The following DACH2 variants were observed in gnomAD, a reference collection of about 807,000 sequenced individuals.
DACH2 encodes the protein dachshund family transcription factor 2, also known as dachshund homolog 2.
In DACH2, 17 loss-of-function variants were observed where a neutral mutation model predicts 35.8. That is an observed-to-expected ratio of 0.48 (90% confidence interval 0.33 to 0.71). The LOEUF is 0.71. Among genes scored for constraint, DACH2 ranks in the 30% least tolerant of loss-of-function variants. The probability of loss-of-function intolerance (pLI) is 0.02; values close to 1 mark genes in which losing one functional copy is unlikely to be tolerated. For synonymous variants in DACH2, 195 were observed against 177.3 expected, an observed-to-expected ratio of 1.10 and a Z score of -0.79; for missense variants, 469 against 472.7, an observed-to-expected ratio of 0.99 and a Z score of 0.07.
intron 6 of DACH2, among the ~76,000 whole-genome samples, chrX:86,729,929 TA>T (rs375871790): frequency 2.9e-4 from 32 of 111,188 alleles, no homozygotes; most frequent in African/African-American, 3.6e-4. Flanking sequence ...CATTTTTTTT[TA>T]TAAATTACCC....
At chrX:86,708,218 A>G (rs1446241389) in intron 5 of DACH2, among the ~76,000 whole-genome samples, 1 of 110,532 alleles carries the variant, frequency 9.0e-6, no homozygotes, top group Non-Finnish European at 1.9e-5. Context: ...CTTTTCCCCT[A>G]AGATCGAAAA....
intron 2 of DACH2, among the ~76,000 whole-genome samples, chrX:86,503,011 G>A (rs1413255590): frequency 1.8e-5 from 2 of 111,890 alleles, no homozygotes; most frequent in East Asian, 5.6e-4. Flanking sequence ...TTCTAAAACA[G>A]TAATTATAGT....
intron 1 of DACH2, among the ~76,000 whole-genome samples, chrX:86,162,867 A>T (rs767311038): frequency 1.8e-5 from 2 of 111,022 alleles, no homozygotes; most frequent in Non-Finnish European, 3.8e-5. Flanking sequence ...TTTTGTATAT[A>T]CACTTTTTTA....
chrX:86,734,331 G>A (rs1446004332), intron 6 of DACH2, among the ~76,000 whole-genome samples: 5 of 110,490 alleles, frequency 4.5e-5, no homozygotes, highest in South Asian at 7.6e-4. Flanking sequence ...TCTAATTCGG[G>A]ATTGAAATTA....
At chrX:86,581,843 A>G (rs1288024819) in intron 3 of DACH2, among the ~76,000 whole-genome samples, 3 of 111,302 alleles carry the variant, frequency 2.7e-5, no homozygotes, top group Non-Finnish European at 5.7e-5. Context: ...GAGGCAGAAA[A>G]CTAACAGAGA....
intron 2 of DACH2, among the ~76,000 whole-genome samples, chrX:86,487,714 G>A (rs777232479): frequency 1.3e-4 from 14 of 111,394 alleles, no homozygotes; most frequent in African/African-American, 1.6e-4. Flanking sequence ...AAAATAATAC[G>A]GTGTTTAATT....
intron 3 of DACH2, among the ~76,000 whole-genome samples, chrX:86,617,886 A>T (rs963813227): frequency 5.3e-5 from 6 of 112,372 alleles, no homozygotes; most frequent in Admixed American, 1.9e-4. Context: ...AAGCTATTTA[A>T]TGTTTCTTTG....
At chrX:86,175,279 G>T (rs2147876824) in intron 1 of DACH2, among the ~76,000 whole-genome samples, 1 of 112,180 alleles carries the variant, frequency 8.9e-6, no homozygotes, top group South Asian at 3.7e-4. Context: ...GGAATAATCA[G>T]CTGTGTCAAA....
intron 2 of DACH2, among the ~76,000 whole-genome samples, chrX:86,446,559 C>G (rs1386760537): frequency 2.1e-5 from 1 of 46,654 alleles, no homozygotes; most frequent in African/African-American, 8.5e-5. Context: ...GTTTTTTGTT[C>G]TTGCGATAGT....
At chrX:86,361,708 G>A (rs2035741834) in intron 1 of DACH2, among the ~76,000 whole-genome samples, 1 of 111,262 alleles carries the variant, frequency 9.0e-6, no homozygotes, top group Non-Finnish European at 1.9e-5. Context: ...GTATTCTTTT[G>A]TAAAATATCT....
At chrX:86,421,494 G>A (rs2036802421) in intron 2 of DACH2, among the ~76,000 whole-genome samples, 1 of 111,185 alleles carries the variant, frequency 9.0e-6, no homozygotes, top group Non-Finnish European at 1.9e-5. Flanking sequence ...AATGGGAATG[G>A]CAAAAACAAG....
chrX:86,477,621 C>G (rs988002418), intron 2 of DACH2, among the ~76,000 whole-genome samples: 2 of 109,541 alleles, frequency 1.8e-5, no homozygotes, highest in African/African-American at 6.6e-5. Flanking sequence ...ATCTATTCAT[C>G]CACTATATCT....
chrX:86,409,744 A>G (rs1222317958), intron 2 of DACH2, among the ~76,000 whole-genome samples: 1 of 112,240 alleles, frequency 8.9e-6, no homozygotes, highest in African/African-American at 3.2e-5. Context: ...CAATGCAAGA[A>G]TAGCCAATGC....
intron 4 of DACH2, among the ~76,000 whole-genome samples, chrX:86,686,517 C>A (rs2040945833): frequency 1.8e-5 from 2 of 110,921 alleles, no homozygotes; most frequent in African/African-American, 6.6e-5. Context: ...AGGTATGAGC[C>A]ACCATGCCCA....
chrX:86,739,113 A>G (rs1238412510), intron 6 of DACH2, among the ~76,000 whole-genome samples: 1 of 111,434 alleles, frequency 9.0e-6, no homozygotes, highest in Non-Finnish European at 1.9e-5. Context: ...ACCTCAGGTG[A>G]TCCACCCGCC....
At chrX:86,511,865 C>T (rs1477223803) in intron 2 of DACH2, among the ~76,000 whole-genome samples, 1 of 111,543 alleles carries the variant, frequency 9.0e-6, no homozygotes, top group Non-Finnish European at 1.9e-5. Flanking sequence ...TTGAGTTGAT[C>T]ATGTTTTGAA....
chrX:86,246,262 A>G (rs1233803532), intron 1 of DACH2, among the ~76,000 whole-genome samples: 1 of 82,436 alleles, frequency 1.2e-5, no homozygotes, highest in East Asian at 4.9e-4. Context: ...ATTGTCCATG[A>G]AAAATTTCCC....
At chrX:86,322,400 T>C (rs1357683641) in intron 1 of DACH2, among the ~76,000 whole-genome samples, 1 of 110,770 alleles carries the variant, frequency 9.0e-6, no homozygotes, top group Non-Finnish European at 1.9e-5. Flanking sequence ...TCCCTTAGTC[T>C]CCTTGTTCTT....
At chrX:86,755,259 A>G (rs1275630128) in intron 7 of DACH2, among the ~76,000 whole-genome samples, 2 of 111,298 alleles carry the variant, frequency 1.8e-5, no homozygotes, top group Non-Finnish European at 3.8e-5. Context: ...CACTTTTAAC[A>G]TGATATTTAT....
Sources: gnomAD v4.1 joint callset for allele counts (sites outside exome capture counted in the v4.1 genomes callset) on GRCh38, gnomAD v4.1.1 for gene constraint, MANE v1.5 for transcripts, NCBI Gene and HGNC (gene_info 2026-07-23, HGNC 2026-07-21) for gene names.